Variants in MTHFD1L observed in about 807,000 individuals in gnomAD.
MTHFD1L encodes the protein monofunctional C1-tetrahydrofolate synthase, mitochondrial.
A neutral mutation model predicts 119.5 loss-of-function variants in MTHFD1L; 81 were observed. The observed-to-expected ratio is 0.68, with a 90% CI of 0.57 to 0.82. MTHFD1L has a LOEUF of 0.82. Among genes scored for constraint, MTHFD1L ranks in the 40% least tolerant of loss-of-function variants. The pLI, the probability that MTHFD1L is intolerant of heterozygous loss-of-function variation, is 0.00. For synonymous variants in MTHFD1L, 430 were observed against 475.2 expected, an observed-to-expected ratio of 0.90 and a Z score of 1.24; for missense variants, 1,125 against 1,253.4, an observed-to-expected ratio of 0.90 and a Z score of 1.55.
rs553919505 is a variant in MTHFD1L at position 150,920,054 on chromosome 6, A to G, written c.984+1386A>G. Among the ~76,000 whole-genome samples the G allele has an allele frequency of 7.2e-5, 11 of 152,072 alleles. No individual in the cohort carries two copies. The East Asian group carries it at 1.9e-3, about 27-fold the overall frequency. On this transcript the variant is annotated intron_variant, in intron 9 of 27. Transcript: ENST00000367321. Reference sequence around the variant, plus strand: ...GATGCCTTGGTTCCTCATCATGTCCACCTCTCTGTAGGGCTGCTCACAGTG... The same window carrying G: ...GATGCCTTGGTTCCTCATCATGTCCGCCTCTCTGTAGGGCTGCTCACAGTG...
In MTHFD1L at chr6:151,084,496, C is replaced by T. The variant is rs990951459; in HGVS notation, c.2848-7971C>T. Among the ~76,000 whole-genome samples, 4 of 152,238 alleles carry T rather than the reference C, an allele frequency of 2.6e-5. 1 individual carries two copies. In the South Asian group the frequency reaches 8.3e-4, roughly 32 times the overall value. ...GTCTTTCTATGTTGCCCAGGGTGGT[C>T]TTGAACTCCTGGCCCCAAGCGATCC... is the stretch of plus-strand genomic sequence containing the variant. On this transcript the variant is annotated intron_variant, in intron 26 of 27. Transcript: ENST00000367321.
At chr6:150,898,016 G>A (rs1336972088) in intron 7 of MTHFD1L, among the ~76,000 whole-genome samples, 2 of 152,028 alleles carry the variant, frequency 1.3e-5, no homozygotes, top group Non-Finnish European at 2.9e-5. Flanking sequence ...AGCTAATTTT[G>A]TATTTTTAGT....
intron 20 of MTHFD1L, among the ~76,000 whole-genome samples, chr6:150,978,183 C>T (rs1049106102): frequency 4.6e-5 from 7 of 152,078 alleles, no homozygotes; most frequent in Admixed American, 2.6e-4. Context: ...CAGGTGTGAG[C>T]TGCCGCACCT....
chr6:150,974,578 C>G (rs548530269), intron 20 of MTHFD1L, among the ~76,000 whole-genome samples: 13 of 151,416 alleles, frequency 8.6e-5, no homozygotes, highest in African/African-American at 3.2e-4. Context: ...CAGTGCCCTT[C>G]TACTTTCTGT....
At chr6:151,014,230 G>A (rs917470506) in intron 22 of MTHFD1L, among the ~76,000 whole-genome samples, 6 of 152,104 alleles carry the variant, frequency 3.9e-5, no homozygotes, top group African/African-American at 1.2e-4. Context: ...GAAAAGTGCC[G>A]TTCTAAGAAT....
intron 20 of MTHFD1L, among the ~76,000 whole-genome samples, chr6:150,990,321 A>C (rs1654413125): frequency 1.3e-5 from 2 of 152,136 alleles, no homozygotes; most frequent in African/African-American, 4.8e-5. Context: ...GGATGATTAA[A>C]CTAATTGTAA....
At chr6:151,025,355 C>A (rs956993269) in intron 24 of MTHFD1L, among the ~76,000 whole-genome samples, 3 of 152,220 alleles carry the variant, frequency 2.0e-5, no homozygotes, top group Non-Finnish European at 4.4e-5. Flanking sequence ...GTAACAAGGG[C>A]AGAGCCGCTC....
chr6:151,060,787 G>A (rs1005793418), intron 26 of MTHFD1L, among the ~76,000 whole-genome samples: 6 of 152,218 alleles, frequency 3.9e-5, no homozygotes, highest in African/African-American at 1.4e-4. Flanking sequence ...GAGGCCTTGA[G>A]CGTCAAGCTT....
intron 8 of MTHFD1L, chr6:150,912,523 G>T (rs1007256764): frequency 3.7e-6 from 1 of 273,930 alleles, no homozygotes; most frequent in African/African-American, 2.2e-5. Flanking sequence ...GAAGGCTGAA[G>T]AATTTTCCTG....
chr6:151,086,286 A>ATC (rs532230112), intron 26 of MTHFD1L, among the ~76,000 whole-genome samples: 4 of 150,504 alleles, frequency 2.7e-5, no homozygotes, highest in African/African-American at 9.8e-5. Flanking sequence ...CTCTCCCCTC[A>ATC]TCTCTCTCTC....
intron 20 of MTHFD1L, among the ~76,000 whole-genome samples, chr6:150,981,293 G>A (rs1297490411): frequency 2.0e-5 from 3 of 152,132 alleles, no homozygotes; most frequent in African/African-American, 7.2e-5. Flanking sequence ...AATATATGAT[G>A]TCATGGAAAG....
chr6:151,013,832 T>C lies in MTHFD1L; in HGVS notation c.2307+12T>C. 1 of 1,608,426 alleles carries C rather than the reference T, an allele frequency of 6.2e-7. No homozygotes were observed. On this transcript the variant is annotated intron_variant, in intron 22 of 27. Coordinates refer to ENST00000367321, the MANE Select transcript of MTHFD1L (RefSeq NM_015440.5). ...AATATACAGAGGAGGTAAGAGGAGCTGTTTAGATGCTTATGTGAAGAATCT... is the reference window on the plus strand; with the variant it reads ...AATATACAGAGGAGGTAAGAGGAGCCGTTTAGATGCTTATGTGAAGAATCT...
intron 5 of MTHFD1L, among the ~76,000 whole-genome samples, chr6:150,883,294 A>G (rs1277931870): frequency 1.3e-5 from 2 of 152,048 alleles, no homozygotes; most frequent in African/African-American, 2.4e-5. Flanking sequence ...GCCTCCCAAA[A>G]TGTTGGGATT....
chr6:150,876,237 G>C (rs760605226), intron 2 of MTHFD1L, 63 bp downstream of exon 2: 1 of 1,271,958 alleles, frequency 7.9e-7, no homozygotes, highest in Non-Finnish European at 1.1e-6. Context: ...GAAAATGATT[G>C]TATACAAAAG....
chr6:151,043,656 A>C (rs1223662197), intron 26 of MTHFD1L, among the ~76,000 whole-genome samples: 4 of 152,174 alleles, frequency 2.6e-5, no homozygotes. Flanking sequence ...TTTTCCATTG[A>C]CTTCGCATTG....
intron 20 of MTHFD1L, among the ~76,000 whole-genome samples, chr6:150,988,865 C>G (rs1778673999): frequency 6.6e-6 from 1 of 152,208 alleles, no homozygotes; most frequent in Non-Finnish European, 1.5e-5. Flanking sequence ...CTTGGCCTCC[C>G]AAAGCGCTGG....
intron 1 of MTHFD1L, among the ~76,000 whole-genome samples, chr6:150,868,339 ATTTT>A (rs34073444): frequency 1.5e-5 from 2 of 136,658 alleles, no homozygotes; most frequent in African/African-American, 2.8e-5. Flanking sequence ...GTGGCTATTA[ATTTT>A]TTTTTTTTTT....
At chr6:151,049,889 C>T (rs1382096367) in intron 26 of MTHFD1L, among the ~76,000 whole-genome samples, 1 of 152,106 alleles carries the variant, frequency 6.6e-6, no homozygotes, top group Non-Finnish European at 1.5e-5. Flanking sequence ...CCTTCCCTGC[C>T]CTCCTTGCAC....
chr6:151,090,175 G>T (rs946056368), intron 26 of MTHFD1L, among the ~76,000 whole-genome samples: 1 of 152,240 alleles, frequency 6.6e-6, no homozygotes, highest in Non-Finnish European at 1.5e-5. Context: ...AGGGAAGGGG[G>T]TGTTAATGAG....
Sources: gnomAD v4.1 joint callset for allele counts (sites outside exome capture counted in the v4.1 genomes callset) on GRCh38, gnomAD v4.1.1 for gene constraint, MANE v1.5 for transcripts, NCBI Gene and HGNC (gene_info 2026-07-23, HGNC 2026-07-21) for gene names.